AFF2: variants seen among roughly 807,000 people sequenced by gnomAD.
The protein encoded by AFF2 is AF4/FMR2 family member 2.
A neutral mutation model predicts 76.9 loss-of-function variants in AFF2; 14 were observed. That is an observed-to-expected ratio of 0.18 (90% CI 0.12 to 0.28). AFF2 has a LOEUF of 0.28. AFF2 is among the 10% of genes least tolerant of loss of function. The pLI is 1.00. For synonymous variants in AFF2, 398 were observed against 366.7 expected, an observed-to-expected ratio of 1.09 and a Z score of -0.98; for missense variants, 868 against 1,001.1, an observed-to-expected ratio of 0.87 and a Z score of 1.79.
intron 3 of AFF2, among the ~76,000 whole-genome samples, chrX:148,795,833 ATATATATATATATATATAT>A (rs1340675480): frequency 2.9e-4 from 2 of 6,788 alleles, no homozygotes; most frequent in Admixed American, 1.8e-3. Flanking sequence ...AAAAAAAAAA[ATATATATATATATATATAT>A]ATATATATAT....
chrX:148,860,756 C>T (rs1282083031), intron 7 of AFF2, among the ~76,000 whole-genome samples: 1 of 111,833 alleles, frequency 8.9e-6, no homozygotes, highest in Non-Finnish European at 1.9e-5. Context: ...GGCTTTTCTA[C>T]TCTCCTAAGA....
At chrX:148,957,603 A>G (rs2072056560) in intron 11 of AFF2, among the ~76,000 whole-genome samples, 2 of 112,559 alleles carry the variant, frequency 1.8e-5, no homozygotes, top group Admixed American at 9.4e-5. Context: ...TCACTGGAGC[A>G]TTTTCAGATT....
At chrX:148,896,088 A>C (rs2071281085) in intron 8 of AFF2, among the ~76,000 whole-genome samples, 2 of 111,559 alleles carry the variant, frequency 1.8e-5, no homozygotes, top group South Asian at 7.5e-4. Context: ...GGGCATAAAC[A>C]TGGACTCGAG....
intron 1 of AFF2, among the ~76,000 whole-genome samples, chrX:148,515,444 G>C (rs1454756033): frequency 8.9e-6 from 1 of 112,202 alleles, no homozygotes; most frequent in African/African-American, 3.2e-5. Flanking sequence ...TTTCCAGGAA[G>C]ACTGAATTTT....
intron 2 of AFF2, among the ~76,000 whole-genome samples, chrX:148,656,404 A>G (rs2054251464): frequency 9.1e-6 from 1 of 110,269 alleles, no homozygotes; most frequent in South Asian, 3.8e-4. Context: ...TTTTATGTGT[A>G]TGCTCATTTA....
intron 19 of AFF2, among the ~76,000 whole-genome samples, chrX:148,986,624 T>C (rs1442576284): frequency 2.7e-5 from 3 of 112,821 alleles, no homozygotes; most frequent in Non-Finnish European, 5.6e-5. Flanking sequence ...AGAATACTAC[T>C]TTTCCCAGCT....
At chrX:148,517,598 A>T (rs2052549941) in intron 1 of AFF2, among the ~76,000 whole-genome samples, 1 of 112,154 alleles carries the variant, frequency 8.9e-6, no homozygotes, top group Admixed American at 9.4e-5. Context: ...ATTGTTGATT[A>T]CTGCAACCTT....
intron 3 of AFF2, among the ~76,000 whole-genome samples, chrX:148,695,885 C>T (rs1355661481): frequency 5.4e-5 from 6 of 112,077 alleles, no homozygotes; most frequent in Non-Finnish European, 1.1e-4. Flanking sequence ...TAGATTTTAA[C>T]TAAAACTAGA....
intron 3 of AFF2, among the ~76,000 whole-genome samples, chrX:148,696,000 A>G (rs2054717955): frequency 8.9e-6 from 1 of 112,165 alleles, no homozygotes; most frequent in Non-Finnish European, 1.9e-5. Flanking sequence ...GATTTAGAAA[A>G]GCACTCATTC....
intron 15 of AFF2, 83 bp downstream of exon 15, chrX:148,967,775 A>G (rs2072199489): frequency 1.1e-5 from 10 of 918,137 alleles, no homozygotes; most frequent in Non-Finnish European, 1.5e-5. Context: ...TTTCCAAACA[A>G]ATTTTCAGTA....
intron 3 of AFF2, among the ~76,000 whole-genome samples, chrX:148,686,830 C>A (rs964771477): frequency 2.7e-5 from 3 of 111,316 alleles, no homozygotes; most frequent in Non-Finnish European, 5.7e-5. Flanking sequence ...GCTGTTTAGA[C>A]CAGAATTTCT....
intron 5 of AFF2, among the ~76,000 whole-genome samples, chrX:148,841,127 G>A (rs1432200424): frequency 2.7e-5 from 3 of 111,686 alleles, no homozygotes; most frequent in Non-Finnish European, 5.6e-5. Flanking sequence ...CATAAGACCA[G>A]TACAAAGACG....
chrX:148,507,517 G>C (rs2052433308), intron 1 of AFF2, among the ~76,000 whole-genome samples: 1 of 111,468 alleles, frequency 9.0e-6, no homozygotes, highest in East Asian at 2.8e-4. Flanking sequence ...CGGAGGGTTG[G>C]GATTCCTCCA....
intron 1 of AFF2, among the ~76,000 whole-genome samples, chrX:148,647,183 A>T (rs1459420161): frequency 3.6e-5 from 4 of 112,298 alleles, no homozygotes; most frequent in Non-Finnish European, 7.5e-5. Flanking sequence ...AGTGGATTAA[A>T]TATGTATTTT....
chrX:148,845,591 C>A (rs1557274672), intron 7 of AFF2, among the ~76,000 whole-genome samples: 1 of 112,417 alleles, frequency 8.9e-6, no homozygotes, highest in East Asian at 2.8e-4. Flanking sequence ...TAGGACAGAT[C>A]AGAATTGTAA....
chrX:148,888,662 A>G (rs1249224601), intron 8 of AFF2, among the ~76,000 whole-genome samples: 3 of 111,755 alleles, frequency 2.7e-5, no homozygotes, highest in African/African-American at 9.8e-5. Flanking sequence ...TGGGACAGTC[A>G]TACCTCCAGC....
At position 148,544,741 on chromosome X, in the gene AFF2, C is replaced by G. The variant is rs781908154; in HGVS notation, c.47+43597C>G. 7.1e-5 allele frequency among the ~76,000 whole-genome samples: 8 copies of G among 112,072 alleles called. No individual in the cohort carries two copies. The East Asian group carries it at 2.0e-3, about 27-fold the overall frequency. ...AAGACATGGGCCTCTTATGAGTCCA[C>G]TGAGCTCTGTCCACATGAACAGCCA... On this transcript the variant is annotated intron_variant, in intron 1 of 20. Transcript: ENST00000370460.
chrX:148,651,499 A>T (rs1482218466), intron 1 of AFF2, among the ~76,000 whole-genome samples: 1 of 111,959 alleles, frequency 8.9e-6, no homozygotes, highest in African/African-American at 3.3e-5. Context: ...AAATGCCCTT[A>T]AATTCTCCTG....
At chrX:148,667,472 G>A (rs1178789203) in intron 3 of AFF2, among the ~76,000 whole-genome samples, 1 of 112,028 alleles carries the variant, frequency 8.9e-6, no homozygotes, top group Non-Finnish European at 1.9e-5. Flanking sequence ...TTCACTTGAT[G>A]TATTAGTCTG....
Sources: gnomAD v4.1 joint callset for allele counts (sites outside exome capture counted in the v4.1 genomes callset) on GRCh38, gnomAD v4.1.1 for gene constraint, MANE v1.5 for transcripts, NCBI Gene and HGNC (gene_info 2026-07-23, HGNC 2026-07-21) for gene names.